The following KRABD2 variants were observed in gnomAD, a reference collection of about 807,000 sequenced individuals.
KRABD2 encodes the protein KRAB domain-containing protein 2.
the KRABD2 span, among the ~76,000 whole-genome samples, chr17:8,374,992 T>G: frequency 6.8e-6 from 1 of 147,288 alleles, no homozygotes; most frequent in African/African-American, 2.5e-5. Flanking sequence ...ATTTACAGAT[T>G]GGGAGATTTC....
the KRABD2 span, among the ~76,000 whole-genome samples, chr17:8,362,079 C>G: frequency 1.3e-5 from 2 of 150,226 alleles, no homozygotes; most frequent in Admixed American, 1.3e-4. This position sits in a 1 kb window ranked among gnomAD's most constrained non-coding sequence, Gnocchi z 4.2. Flanking sequence ...GTAATCCCAG[C>G]ACTTTGGGAG....
chr17:8,370,228 C>A, the KRABD2 span: 1 of 1,613,336 alleles, frequency 6.2e-7, no homozygotes, highest in Non-Finnish European at 8.5e-7. Flanking sequence ...TTGGAAAATA[C>A]CTTGCTGTTG....
At chr17:8,365,075 T>C in the KRABD2 span, among the ~76,000 whole-genome samples, 3 of 152,062 alleles carry the variant, frequency 2.0e-5, no homozygotes, top group African/African-American at 7.2e-5. Context: ...ACAAAATACA[T>C]TTGCAAGCTG....
the KRABD2 span, chr17:8,371,384 TC>T: frequency 6.2e-7 from 1 of 1,614,054 alleles, no homozygotes; most frequent in East Asian, 2.2e-5. Context: ...TCTAAATAAT[TC>T]CAATCTTTGG....
At chr17:8,371,343 T>C in the KRABD2 span, 16 of 1,613,942 alleles carry the variant, frequency 9.9e-6, no homozygotes, top group Non-Finnish European at 1.4e-5. Flanking sequence ...TGTCCAGCAT[T>C]GTGTCTCTGT....
chr17:8,369,451 G>A, the KRABD2 span: 3 of 1,613,974 alleles, frequency 1.9e-6, no homozygotes, highest in Non-Finnish European at 2.5e-6. Flanking sequence ...ATGAATCGGA[G>A]GCCTTTGGCC....
At chr17:8,376,505 C>T in the KRABD2 span, 2 of 996,580 alleles carry the variant, frequency 2.0e-6, no homozygotes, top group South Asian at 4.7e-5. Flanking sequence ...CTTTGTGTAG[C>T]CTTCCTACCC....
At chr17:8,363,838 T>TATATCATACATAC in the KRABD2 span, among the ~76,000 whole-genome samples, 4 of 73,210 alleles carry the variant, frequency 5.5e-5, no homozygotes. Flanking sequence ...TACATATATA[T>TATATCATACATAC]ATATATATAT....
the KRABD2 span, chr17:8,369,253 G>C: frequency 1.5e-4 from 248 of 1,614,152 alleles, 1 homozygote; most frequent in African/African-American, 2.5e-3. Flanking sequence ...CTTTCTTCCT[G>C]CCTGATCCAA....
the KRABD2 span, chr17:8,369,042 C>A: frequency 6.6e-7 from 1 of 1,504,554 alleles, no homozygotes; most frequent in African/African-American, 1.4e-5. Flanking sequence ...AGAGTGCAGC[C>A]TTCAATCTTT....
At chr17:8,371,857 C>T in the KRABD2 span, 5,489 of 1,031,512 alleles carry the variant, frequency 5.3e-3, 19 homozygotes, top group South Asian at 9.8e-3. Context: ...AAAAGAGATA[C>T]CCCAAATGGA....
the KRABD2 span, among the ~76,000 whole-genome samples, chr17:8,374,334 C>T: frequency 5.3e-5 from 8 of 152,164 alleles, no homozygotes; most frequent in Non-Finnish European, 1.0e-4. Context: ...CCCCCAACCC[C>T]GTGCTCTCTG....
the KRABD2 span, chr17:8,370,367 G>GGA: frequency 6.3e-7 from 1 of 1,578,666 alleles, no homozygotes; most frequent in Non-Finnish European, 8.6e-7. Context: ...GAGGCATCAT[G>GGA]GAGAGCTGTA....
At chr17:8,367,722 T>G in the KRABD2 span, among the ~76,000 whole-genome samples, 1 of 151,160 alleles carries the variant, frequency 6.6e-6, no homozygotes, top group African/African-American at 2.4e-5. Flanking sequence ...CAGAGGACCC[T>G]GCGGCCTTCC....
chr17:8,361,572 G>A, the KRABD2 span, among the ~76,000 whole-genome samples: 3 of 152,220 alleles, frequency 2.0e-5, no homozygotes, highest in African/African-American at 7.2e-5. Flanking sequence ...TATCCTGTGA[G>A]TGAGGAACCA....
At chr17:8,364,895 G>C in the KRABD2 span, among the ~76,000 whole-genome samples, 1 of 151,976 alleles carries the variant, frequency 6.6e-6, no homozygotes, top group South Asian at 2.1e-4. This position sits in a 1 kb window ranked among gnomAD's most constrained non-coding sequence, Gnocchi z 4.4. Context: ...TTAGCCAGGC[G>C]TGGTGGCGGG....
the KRABD2 span, chr17:8,376,518 A>C: frequency 4.0e-6 from 4 of 991,420 alleles, no homozygotes; most frequent in Non-Finnish European, 4.8e-6. Flanking sequence ...TCCTACCCTG[A>C]CTTCGCAGAC....
At chr17:8,371,351 T>C in the KRABD2 span, 1 of 1,614,182 alleles carries the variant, frequency 6.2e-7, no homozygotes, top group Non-Finnish European at 8.5e-7. Flanking sequence ...ATTGTGTCTC[T>C]GTAGCAATCC....
the KRABD2 span, among the ~76,000 whole-genome samples, chr17:8,363,403 G>C: frequency 6.6e-6 from 1 of 152,172 alleles, no homozygotes; most frequent in African/African-American, 2.4e-5. Context: ...CGAGGCTAGA[G>C]TGCAGTGGCA....
Sources: allele counts gnomAD v4.1 joint callset (sites outside exome capture counted in the v4.1 genomes callset), GRCh38; gene constraint gnomAD v4.1.1; non-coding constraint Gnocchi (gnomAD v3.1); transcripts MANE v1.5; gene names NCBI Gene and HGNC (gene_info 2026-07-23, HGNC 2026-07-21).